The following RNFT2 variants were observed in gnomAD, a reference collection of about 807,000 sequenced individuals.
RNFT2 encodes ring finger protein, transmembrane 2, also known as E3 ubiquitin-protein ligase RNFT2.
Under a neutral mutation model 53.0 loss-of-function variants are expected in RNFT2, and 36 were observed. The observed-to-expected ratio is 0.68, with a 90% CI of 0.52 to 0.90. RNFT2 has a LOEUF of 0.90. Among genes scored for constraint, RNFT2 ranks in the 40% least tolerant of loss-of-function variants. The probability of loss-of-function intolerance (pLI) is 0.00; values close to 1 mark genes in which losing one functional copy is unlikely to be tolerated. For synonymous variants in RNFT2, 260 were observed against 253.2 expected (o/e 1.03, Z -0.26); for missense variants, 514 against 585.6 (o/e 0.88, Z 1.26).
At chr12:116,814,841 G>A (rs1331073131) in intron 7 of RNFT2, among the ~76,000 whole-genome samples, 2 of 152,056 alleles carry the variant, frequency 1.3e-5, no homozygotes, top group African/African-American at 2.4e-5. Context: ...ACCATGCCCA[G>A]CTAAGTTTTC....
chr12:116,768,843 G>T (rs1298881592), intron 6 of RNFT2, among the ~76,000 whole-genome samples: 1 of 150,770 alleles, frequency 6.6e-6, no homozygotes, highest in African/African-American at 2.4e-5. Context: ...TGATTCTCCT[G>T]CCTCAGCCTC....
chr12:116,744,240 A>AT (rs1295674380), intron 3 of RNFT2, among the ~76,000 whole-genome samples: 1 of 151,378 alleles, frequency 6.6e-6, no homozygotes, highest in Non-Finnish European at 1.5e-5. Flanking sequence ...AAAAAAAAAA[A>AT]AAAGAGTTGT....
chr12:116,846,436 A>G (rs531950104), intron 10 of RNFT2, among the ~76,000 whole-genome samples: 185 of 18,058 alleles, frequency 0.01, 2 homozygotes, highest in Admixed American at 0.024. Flanking sequence ...ATGCCCAGCT[A>G]ATTTTTTTTT....
chr12:116,809,944 G>T lies in RNFT2; in HGVS notation c.883-23848G>T, dbSNP rs557379604. Among the ~76,000 whole-genome samples, 107 of 152,196 alleles carry T rather than the reference G, an allele frequency of 7.0e-4. 1 individual carries two copies. The highest frequency in any genetic ancestry group is 2.4e-3 in the African/African-American group (100 of 41,524). On this transcript the variant is annotated intron_variant, in intron 7 of 10. Transcript: ENST00000257575. ...CCCACCTCGGCCTCCCAAAGTGCTG[G>T]GCTTGCAGACGTGAGCCACCGTGCC...
Position 116,852,294 on chromosome 12 carries a change from G to C in RNFT2, c.*2846G>C. On this transcript the variant is annotated 3_prime_UTR_variant, in exon 11 of 11. Transcript: ENST00000257575. ...GGAGGAGCTTTGTAGCCACCTCGCT[G>C]TCAGCCAGTATTAACATGTCCCCTT... is the stretch of plus-strand genomic sequence containing the variant. The C allele has an allele frequency of 8.1e-7, 1 of 1,230,030 alleles. No homozygotes were observed. The highest frequency in any genetic ancestry group is 2.4e-5 in the South Asian group (1 of 41,818). The allele number at this position is 1,230,030 out of a possible 1,614,324, so 76.2% of individuals were successfully genotyped here.
intron 7 of RNFT2, among the ~76,000 whole-genome samples, chr12:116,789,733 A>G (rs1014105264): frequency 1.0e-4 from 14 of 137,640 alleles, no homozygotes; most frequent in Non-Finnish European, 1.4e-4. Flanking sequence ...AGATGGATGG[A>G]TGGATGGGTG....
At chr12:116,817,051 C>A (rs532091353) in intron 7 of RNFT2, among the ~76,000 whole-genome samples, 7 of 152,226 alleles carry the variant, frequency 4.6e-5, no homozygotes, top group African/African-American at 1.7e-4. Context: ...CTCGCTCTGT[C>A]GCCCAGGCTA....
At chr12:116,774,096 T>TAAGTA (rs1873315414) in intron 6 of RNFT2, among the ~76,000 whole-genome samples, 1 of 152,094 alleles carries the variant, frequency 6.6e-6, no homozygotes, top group Non-Finnish European at 1.5e-5. Context: ...CCTAAAGTAG[T>TAAGTA]CAGATTTATA....
chr12:116,750,888 TATAATATATATATATATA>T (rs1872208897), intron 4 of RNFT2, among the ~76,000 whole-genome samples: 2 of 5,582 alleles, frequency 3.6e-4, no homozygotes, highest in African/African-American at 1.3e-3. Context: ...ATATTATATA[TATAATATATATATATATA>T]TATTTTTTTT....
intron 7 of RNFT2, among the ~76,000 whole-genome samples, chr12:116,792,739 C>G (rs985942535): frequency 1.3e-5 from 2 of 152,092 alleles, no homozygotes; most frequent in Non-Finnish European, 2.9e-5. Flanking sequence ...CAATCCTTGT[C>G]TGTGGAGAAG....
At chr12:116,819,664 C>G (rs577962093) in intron 7 of RNFT2, among the ~76,000 whole-genome samples, 172 of 152,320 alleles carry the variant, frequency 1.1e-3, no homozygotes, top group African/African-American at 4.0e-3. Context: ...GGCCACCAGC[C>G]CCGCCCCGCT....
Position 116,852,798 on chromosome 12 carries a change from T to C in RNFT2, c.*3350T>C. On this transcript the variant is annotated 3_prime_UTR_variant, in exon 11 of 11. Coordinates refer to ENST00000257575, the MANE Select transcript of RNFT2 (RefSeq NM_001382266.1). The stretch of plus-strand genomic sequence containing the variant: ...TTTGGGAAGTCACTCAGCCTCCCTG[T>C]AGCCATCTCCAGGGTGACGGAACCC... 2 of 1,308,784 alleles carry C rather than the reference T, an allele frequency of 1.5e-6. No homozygotes were observed. The highest frequency in any genetic ancestry group is 1.1e-6 in the Non-Finnish European group (1 of 904,730). The allele number at this position is 1,308,784 out of a possible 1,614,324, so 81.1% of individuals were successfully genotyped here. A position where few individuals can be genotyped will look rare whatever the true frequency, so the allele number is the denominator to read the frequency against.
At chr12:116,797,007 C>T (rs1566084192) in intron 7 of RNFT2, among the ~76,000 whole-genome samples, 1 of 152,144 alleles carries the variant, frequency 6.6e-6, no homozygotes, top group African/African-American at 2.4e-5. Flanking sequence ...GGACAGAGAC[C>T]AGGGGTGCTG....
chr12:116,790,515 A>G (rs908739314), intron 7 of RNFT2, among the ~76,000 whole-genome samples: 1 of 152,262 alleles, frequency 6.6e-6, no homozygotes, highest in Non-Finnish European at 1.5e-5. Context: ...TAACAAACTT[A>G]TAGCAGCGGG....
chr12:116,793,082 G>A (rs1874331842), intron 7 of RNFT2, among the ~76,000 whole-genome samples: 1 of 152,068 alleles, frequency 6.6e-6, no homozygotes, highest in African/African-American at 2.4e-5. Flanking sequence ...GGCCTTCTAG[G>A]AGAACTGGGC....
At chr12:116,819,355 C>T (rs1283339954) in intron 7 of RNFT2, among the ~76,000 whole-genome samples, 1 of 152,102 alleles carries the variant, frequency 6.6e-6, no homozygotes, top group Non-Finnish European at 1.5e-5. Context: ...CGGCGCGGGA[C>T]GCCCGGAGGC....
intron 7 of RNFT2, among the ~76,000 whole-genome samples, chr12:116,819,094 C>T (rs1025705483): frequency 6.6e-6 from 1 of 152,230 alleles, no homozygotes; most frequent in African/African-American, 2.4e-5. Flanking sequence ...TCCACAACTT[C>T]CTTCACTCAG....
Position 116,852,674 on chromosome 12 carries a change from T to C in RNFT2, c.*3226T>C, listed in dbSNP as rs1261656565. The C allele has an allele frequency of 2.5e-6, 4 of 1,613,862 alleles. No homozygotes were observed. The highest frequency in any genetic ancestry group is 1.7e-5 in the Admixed American group (1 of 59,996). ...GATGCTGTTGAAGGGGCACAAGAAA[T>C]TGGAGCTGGAGAAGATTGATGAAAG... On this transcript the variant is annotated 3_prime_UTR_variant, in exon 11 of 11. Transcript: ENST00000257575.
chr12:116,846,212 T>C (rs1287054572), intron 10 of RNFT2, among the ~76,000 whole-genome samples: 4 of 152,208 alleles, frequency 2.6e-5, no homozygotes, highest in African/African-American at 9.7e-5. Context: ...ACTATCATAA[T>C]AGCTAATAGT....
Sources: gnomAD v4.1 joint callset for allele counts (sites outside exome capture counted in the v4.1 genomes callset) on GRCh38, gnomAD v4.1.1 for gene constraint, MANE v1.5 for transcripts, NCBI Gene and HGNC (gene_info 2026-07-23, HGNC 2026-07-21) for gene names.